The following KIF18A variants were observed in gnomAD, a reference collection of about 807,000 sequenced individuals.
The protein encoded by KIF18A is kinesin family member 18A, also known as kinesin-like protein KIF18A.
A neutral mutation model predicts 103.3 loss-of-function variants in KIF18A; 67 were observed. The ratio of observed to expected loss-of-function variants is 0.65; its 90% CI spans 0.53 to 0.79. The LOEUF (loss-of-function observed/expected upper bound fraction) is 0.79, where lower values mean the gene tolerates loss of function less well. Ranked by LOEUF, KIF18A falls within the 30% of genes least tolerant of loss-of-function variation. KIF18A has a pLI of 0.00. For synonymous variants in KIF18A, 367 were observed against 355.5 expected, an observed-to-expected ratio of 1.03 and a Z score of -0.36; for missense variants, 1,032 against 1,062.5, an observed-to-expected ratio of 0.97 and a Z score of 0.40.
At chr11:28,056,724 G>A (rs1262884989) in intron 13 of KIF18A, 4 of 165,986 alleles carry the variant, frequency 2.4e-5, no homozygotes, top group Non-Finnish European at 5.9e-5. Flanking sequence ...GTATTCAGAG[G>A]GGCAACACTT....
intron 15 of KIF18A, among the ~76,000 whole-genome samples, chr11:28,030,266 C>G (rs1280175893): frequency 9.9e-5 from 15 of 151,524 alleles, no homozygotes; most frequent in African/African-American, 3.6e-4. Flanking sequence ...CATCACGCTA[C>G]CTGACTTCAA....
chr11:28,104,567 G>A (rs759366106), intron 1 of KIF18A, among the ~76,000 whole-genome samples: 1 of 152,066 alleles, frequency 6.6e-6, no homozygotes, highest in Non-Finnish European at 1.5e-5. Flanking sequence ...ATCTAAGATA[G>A]TGTCACCCTG....
At chr11:28,040,688 C>A (rs1425680366) in intron 13 of KIF18A, among the ~76,000 whole-genome samples, 1 of 151,662 alleles carries the variant, frequency 6.6e-6, no homozygotes, top group African/African-American at 2.4e-5. Flanking sequence ...GACTGGCAGT[C>A]ACTTGGGAAG....
chr11:28,062,615 T>C, intron 11 of KIF18A, 99 bp from the exon 12 acceptor site: 1 of 860,864 alleles, frequency 1.2e-6, no homozygotes, highest in South Asian at 4.0e-5. Flanking sequence ...TTTTAATTCT[T>C]TTTAGATATT....
Position 28,094,756 on chromosome 11 carries a change from G to A in KIF18A, c.370C>T (p.Leu124=). The A allele has an allele frequency of 6.2e-7, 1 of 1,613,952 alleles. No individual in the cohort carries two copies. The highest frequency in any genetic ancestry group is 8.5e-7 in the Non-Finnish European group (1 of 1,179,876). Residue 124 remains leucine (L), a synonymous_variant, in exon 3 of 17, where the codon CTA becomes TTA. Coordinates refer to ENST00000263181, the MANE Select transcript of KIF18A (RefSeq NM_031217.4). ...ACTCCAGGTTCATCAGCTGATCCTAGCATAGTGTGGGTCTTCCCAGCACCA... is the reference window on the plus strand; with the variant it reads ...ACTCCAGGTTCATCAGCTGATCCTAACATAGTGTGGGTCTTCCCAGCACCA... ...ATGAGKTHTM[L]GSADEPGVMY... is the part of the protein sequence containing the mutation.
intron 16 of KIF18A, 66 bp downstream of exon 16, chr11:28,023,675 C>A: frequency 1.3e-6 from 1 of 758,502 alleles, no homozygotes; most frequent in South Asian, 2.0e-5. Context: ...CAATAAAAAA[C>A]GTAAAGTACT....
In KIF18A at chr11:28,097,870, T is replaced by C; in HGVS notation, c.78A>G (p.Lys26=). 6.2e-7 allele frequency: 1 copy of C among 1,611,474 alleles called. No homozygotes were observed. The highest frequency in any genetic ancestry group is 1.1e-5 in the South Asian group (1 of 90,150). ...VRVRPENTKE[K]AAGFHKVVHV... ...GAACCACTTTATGAAATCCAGCTGC[T>C]TTTTCTTTAGTGTTTTCCGGACGTA... The change falls in exon 2 of 17, where the codon AAA becomes AAG. Residue 26 remains lysine (K), a synonymous_variant. Coordinates refer to ENST00000263181, the MANE Select transcript of KIF18A (RefSeq NM_031217.4).
chr11:28,058,208 T>A (rs1484371526), intron 13 of KIF18A, among the ~76,000 whole-genome samples: 1 of 151,992 alleles, frequency 6.6e-6, no homozygotes, highest in East Asian at 1.9e-4. Context: ...ATCAAGTGAT[T>A]TGTCAATAGA....
intron 13 of KIF18A, among the ~76,000 whole-genome samples, chr11:28,039,695 A>C (rs1189127630): frequency 6.6e-6 from 1 of 151,732 alleles, no homozygotes; most frequent in Non-Finnish European, 1.5e-5. Context: ...ACTGACTAAC[A>C]ATTTGTCAGT....
chr11:28,085,818 G>T (rs1225936040), intron 6 of KIF18A, among the ~76,000 whole-genome samples: 2 of 152,034 alleles, frequency 1.3e-5, no homozygotes, highest in Non-Finnish European at 2.9e-5. Flanking sequence ...ACACGGGGAG[G>T]ACACCTGCCA....
chr11:28,041,255 G>C (rs142125385), intron 13 of KIF18A, among the ~76,000 whole-genome samples: 2,665 of 151,878 alleles, frequency 0.018, 83 homozygotes, highest in African/African-American at 0.061. Context: ...CAATAAAACA[G>C]AGAAATGGAA....
chr11:28,073,691 T>A (rs1258362198), intron 10 of KIF18A, among the ~76,000 whole-genome samples: 2 of 152,142 alleles, frequency 1.3e-5, no homozygotes, highest in Non-Finnish European at 2.9e-5. Flanking sequence ...GCGTTCAATA[T>A]CAGCTGTTTT....
intron 1 of KIF18A, among the ~76,000 whole-genome samples, chr11:28,103,736 G>C (rs531622308): frequency 6.6e-6 from 1 of 151,856 alleles, no homozygotes; most frequent in Non-Finnish European, 1.5e-5. Flanking sequence ...AGAGTAGAAG[G>C]AAAAAGAAAA....
intron 11 of KIF18A, among the ~76,000 whole-genome samples, chr11:28,067,274 C>G (rs1329650028): frequency 6.6e-6 from 1 of 152,082 alleles, no homozygotes; most frequent in Non-Finnish European, 1.5e-5. Flanking sequence ...ATCTACTTAA[C>G]TAACTGACTG....
chr11:28,064,969 A>T (rs1850900004), intron 11 of KIF18A, among the ~76,000 whole-genome samples: 1 of 152,084 alleles, frequency 6.6e-6, no homozygotes, highest in South Asian at 2.1e-4. Context: ...AAGAACAACA[A>T]GATCAGTTTT....
At chr11:28,032,521 C>A (rs1305629376) in intron 15 of KIF18A, among the ~76,000 whole-genome samples, 5 of 151,824 alleles carry the variant, frequency 3.3e-5, no homozygotes, top group Non-Finnish European at 5.9e-5. Context: ...AAACCAGACA[C>A]ACAAACCAGT....
At chr11:28,051,208 T>C (rs1167087281) in intron 13 of KIF18A, among the ~76,000 whole-genome samples, 4 of 151,830 alleles carry the variant, frequency 2.6e-5, no homozygotes, top group Non-Finnish European at 5.9e-5. Flanking sequence ...ATTATTCTGA[T>C]ATTCATTTCC....
chr11:28,090,677 GTTT>G lies in KIF18A; in HGVS notation c.636_638del (p.Lys212del). The G allele has an allele frequency of 6.2e-7, 1 of 1,610,828 alleles. No individual in the cohort carries two copies. The highest frequency in any genetic ancestry group is 8.5e-7 in the Non-Finnish European group (1 of 1,177,834). On this transcript the variant is annotated inframe_deletion, in exon 5 of 17. Coordinates refer to ENST00000263181, the MANE Select transcript of KIF18A (RefSeq NM_031217.4). ...TCATATCAGTGGGATGTTGTGTCCT[GTTT>G]TTGTTTCCATTATCCAATAAATGTA...
intron 15 of KIF18A, among the ~76,000 whole-genome samples, chr11:28,033,279 C>A (rs1006433329): frequency 3.3e-5 from 5 of 151,434 alleles, no homozygotes; most frequent in Non-Finnish European, 7.4e-5. Context: ...ATTAGTACAA[C>A]CACTATAAAG....
Sources: allele counts gnomAD v4.1 joint callset (sites outside exome capture counted in the v4.1 genomes callset), GRCh38; gene constraint gnomAD v4.1.1; transcripts MANE v1.5; gene names NCBI Gene and HGNC (gene_info 2026-07-23, HGNC 2026-07-21).